DNM3: variants seen among roughly 807,000 people sequenced by gnomAD.
DNM3 encodes the protein dynamin 3.
In DNM3, 47 loss-of-function variants were observed where a neutral mutation model predicts 101.6. The observed-to-expected ratio is 0.46, with a 90% CI of 0.37 to 0.59. The LOEUF is 0.59. Ranked by LOEUF, DNM3 falls within the 20% of genes least tolerant of loss-of-function variation. The pLI is 0.00. For synonymous variants in DNM3, 385 were observed against 387.9 expected (o/e 0.99, Z 0.09); for missense variants, 849 against 1,085.7 (o/e 0.78, Z 3.06).
At chr1:172,078,086 G>A (rs1222632015) in intron 11 of DNM3, among the ~76,000 whole-genome samples, 1 of 151,776 alleles carries the variant, frequency 6.6e-6, no homozygotes, top group Non-Finnish European at 1.5e-5. Context: ...GTCTTTGTTG[G>A]TTTTTGTTGT....
At chr1:172,241,492 CA>C (rs1394045983) in intron 14 of DNM3, among the ~76,000 whole-genome samples, 1 of 151,932 alleles carries the variant, frequency 6.6e-6, no homozygotes, top group Non-Finnish European at 1.5e-5. Flanking sequence ...ATACTATTTT[CA>C]ATGTTCTTAA....
At chr1:172,293,329 T>A (rs2064007912) in intron 15 of DNM3, among the ~76,000 whole-genome samples, 1 of 152,250 alleles carries the variant, frequency 6.6e-6, no homozygotes, top group Non-Finnish European at 1.5e-5. Context: ...CAAAACATGG[T>A]CTCATCATGA....
chr1:172,091,315 A>G (rs1328146584), intron 12 of DNM3, among the ~76,000 whole-genome samples: 1 of 152,214 alleles, frequency 6.6e-6, no homozygotes, highest in African/African-American at 2.4e-5. Flanking sequence ...GACAAACACA[A>G]AAAATAAATA....
chr1:172,135,543 A>G (rs1010252419), intron 14 of DNM3, among the ~76,000 whole-genome samples: 14 of 152,050 alleles, frequency 9.2e-5, no homozygotes, highest in South Asian at 2.1e-4. Flanking sequence ...TCCTCTGACT[A>G]TATATATGTG....
Position 171,883,366 on chromosome 1 carries a change from C to CAA in DNM3, c.162-38381_162-38380insAA, listed in dbSNP as rs2036463530. 8.9e-4 allele frequency among the ~76,000 whole-genome samples: 3 copies of CAA among 3,364 alleles called. No homozygotes were observed. The South Asian group carries it at 0.068, about 76-fold the overall frequency. The allele number at this position is 3,364 out of a possible 152,430, so 2.2% of individuals were successfully genotyped here. ...TCTCTAAAAAAACAAAAAAGGACCA[C>CAA]ACACACACACACACACACACACACA... On this transcript the variant is annotated intron_variant, in intron 1 of 20. Transcript: ENST00000627582.
rs868299743 is a variant in DNM3 at position 172,233,624 on chromosome 1, C to T, written c.1660-19949C>T. Among the ~76,000 whole-genome samples the T allele has an allele frequency of 3.7e-4, 56 of 152,184 alleles. 1 individual carries two copies. The highest frequency in any genetic ancestry group is 1.2e-3 in the African/African-American group (48 of 41,510). ...TTAGACCAATATCCCTGATGAACAT[C>T]GATGCAAAAATCCTCAATAAAATAC... On this transcript the variant is annotated intron_variant, in intron 14 of 20. Transcript: ENST00000627582.
intron 2 of DNM3, among the ~76,000 whole-genome samples, chr1:171,957,236 C>T (rs1218364901): frequency 2.8e-5 from 4 of 144,424 alleles, no homozygotes; most frequent in Non-Finnish European, 6.0e-5. Flanking sequence ...CTCGCACTGT[C>T]ACCCAGGCTG....
At chr1:172,226,328 T>C (rs1392679781) in intron 14 of DNM3, among the ~76,000 whole-genome samples, 1 of 152,200 alleles carries the variant, frequency 6.6e-6, no homozygotes, top group Non-Finnish European at 1.5e-5. Flanking sequence ...TAGTTCAATA[T>C]AAAACTGTAA....
intron 14 of DNM3, among the ~76,000 whole-genome samples, chr1:172,199,244 C>A (rs561828758): frequency 5.2e-4 from 79 of 152,004 alleles, no homozygotes; most frequent in Non-Finnish European, 9.0e-4. Context: ...TAGTCAACTT[C>A]TATTTTTATT....
At chr1:172,227,992 T>C (rs1228698995) in intron 14 of DNM3, among the ~76,000 whole-genome samples, 1 of 152,174 alleles carries the variant, frequency 6.6e-6, no homozygotes. Context: ...CTACTAATAC[T>C]CTCCTTGACA....
At chr1:172,279,813 T>C (rs900140307) in intron 15 of DNM3, among the ~76,000 whole-genome samples, 1 of 152,160 alleles carries the variant, frequency 6.6e-6, no homozygotes, top group East Asian at 1.9e-4. Context: ...AGTCATCTCT[T>C]TGACTTTGGC....
At chr1:172,002,976 T>A (rs10910891) in intron 4 of DNM3, among the ~76,000 whole-genome samples, 1 of 151,812 alleles carries the variant, frequency 6.6e-6, no homozygotes, top group African/African-American at 2.4e-5. Flanking sequence ...AGTTAAAAAT[T>A]TCCCTGATGC....
chr1:172,037,912 G>A (rs1258373047), intron 6 of DNM3, among the ~76,000 whole-genome samples: 1 of 152,128 alleles, frequency 6.6e-6, no homozygotes, highest in Non-Finnish European at 1.5e-5. Flanking sequence ...GAGAACACCG[G>A]GTAGCAGCTG....
chr1:171,947,696 T>G (rs1333472597), intron 2 of DNM3, among the ~76,000 whole-genome samples: 1 of 152,124 alleles, frequency 6.6e-6, no homozygotes, highest in African/African-American at 2.4e-5. Context: ...ACCCTGCCAT[T>G]TCTATATGTT....
At chr1:172,247,873 C>A (rs1042653585) in intron 14 of DNM3, among the ~76,000 whole-genome samples, 2 of 151,896 alleles carry the variant, frequency 1.3e-5, no homozygotes, top group African/African-American at 4.8e-5. Context: ...TTAGTAGAAA[C>A]AGGGTTTCAC....
chr1:172,171,478 C>T (rs774758471), intron 14 of DNM3, among the ~76,000 whole-genome samples: 20 of 151,744 alleles, frequency 1.3e-4, no homozygotes, highest in East Asian at 3.9e-4. Context: ...AGTTACATTT[C>T]GGAGAGGTAT....
intron 20 of DNM3, 91 bp from the exon 21 acceptor site, chr1:172,407,681 T>G: frequency 7.7e-7 from 1 of 1,298,418 alleles, no homozygotes; most frequent in Non-Finnish European, 1.1e-6. Flanking sequence ...TGCATGAGCA[T>G]GTGTGTAATG....
intron 1 of DNM3, among the ~76,000 whole-genome samples, chr1:171,865,540 A>AAAAG (rs2034652665): frequency 7.1e-6 from 1 of 140,456 alleles, no homozygotes; most frequent in African/African-American, 2.7e-5. Flanking sequence ...AAAAAAAAAA[A>AAAAG]GAATGAAAAA....
intron 11 of DNM3, among the ~76,000 whole-genome samples, chr1:172,077,280 T>C (rs899886663): frequency 6.6e-6 from 1 of 152,234 alleles, no homozygotes; most frequent in East Asian, 1.9e-4. Context: ...CCTGGATTCA[T>C]TGATTTTTTG....
Sources: gnomAD v4.1 joint callset for allele counts (sites outside exome capture counted in the v4.1 genomes callset) on GRCh38, gnomAD v4.1.1 for gene constraint, MANE v1.5 for transcripts, NCBI Gene and HGNC (gene_info 2026-07-23, HGNC 2026-07-21) for gene names.